Variants in CNTNAP5 observed in about 807,000 individuals in gnomAD.
The protein encoded by CNTNAP5 is contactin associated protein family member 5, also known as contactin-associated protein-like 5.
In CNTNAP5, 72 loss-of-function variants were observed where a neutral mutation model predicts 150.2. That is an observed-to-expected ratio of 0.48 (90% CI 0.40 to 0.58). The LOEUF (loss-of-function observed/expected upper bound fraction) is 0.58, where lower values mean the gene tolerates loss of function less well. Ranked by LOEUF, CNTNAP5 falls within the 20% of genes least tolerant of loss-of-function variation. The probability of loss-of-function intolerance (pLI) is 0.00; values close to 1 mark genes in which losing one functional copy is unlikely to be tolerated. For missense variants in CNTNAP5, 1,636 were observed against 1,626.2 expected (o/e 1.01, Z -0.10); for synonymous variants, 672 against 619.8 (o/e 1.08, Z -1.25).
intron 11 of CNTNAP5, among the ~76,000 whole-genome samples, chr2:124,607,541 A>AT (rs1677276071): frequency 2.6e-5 from 4 of 152,148 alleles, no homozygotes; most frequent in South Asian, 2.1e-4. Context: ...GGAGGATGTG[A>AT]TTTTGTCAGC....
chr2:124,767,547 A>C (rs918088590), intron 16 of CNTNAP5, among the ~76,000 whole-genome samples: 1 of 152,168 alleles, frequency 6.6e-6, no homozygotes, highest in Non-Finnish European at 1.5e-5. Context: ...ACTAGAACCC[A>C]ATGTGGATTT....
In CNTNAP5 at chr2:124,348,868, A is replaced by C. The variant is rs370393978; in HGVS notation, c.382-68575A>C. Reference sequence around the variant, plus strand: ...ATATGTGTGTGTGCATGTGTGTGTCAAGCTGTTTCTTATCTATTATCTATG... The same window carrying C: ...ATATGTGTGTGTGCATGTGTGTGTCCAGCTGTTTCTTATCTATTATCTATG... On this transcript the variant is annotated intron_variant, in intron 3 of 23. Transcript: ENST00000682447. Among the ~76,000 whole-genome samples, 45 of 152,230 alleles carry C rather than the reference A, an allele frequency of 3.0e-4. No homozygotes were observed. In the South Asian group the frequency reaches 8.5e-3, roughly 29 times the overall value.
chr2:124,887,433 G>T (rs142820948), intron 21 of CNTNAP5, among the ~76,000 whole-genome samples: 1 of 152,176 alleles, frequency 6.6e-6, no homozygotes, highest in African/African-American at 2.4e-5. Flanking sequence ...AGTCATGCTA[G>T]TCTACTCAAG....
chr2:124,426,670 C>T (rs1692245501), intron 4 of CNTNAP5, among the ~76,000 whole-genome samples: 1 of 152,160 alleles, frequency 6.6e-6, no homozygotes, highest in South Asian at 2.1e-4. Flanking sequence ...CCAGCTGGCC[C>T]ACTTGGGGAT....
intron 13 of CNTNAP5, among the ~76,000 whole-genome samples, chr2:124,675,010 ATCT>A (rs1186789446): frequency 6.6e-6 from 1 of 151,876 alleles, no homozygotes; most frequent in African/African-American, 2.4e-5. Context: ...TATGTTCTTG[ATCT>A]TCTGCCTACT....
chr2:124,396,589 C>A (rs1419401063), intron 3 of CNTNAP5, among the ~76,000 whole-genome samples: 1 of 152,092 alleles, frequency 6.6e-6, no homozygotes, highest in African/African-American at 2.4e-5. Flanking sequence ...TTTATCAAAT[C>A]AAAAATAGCT....
At chr2:124,799,488 C>A (rs1351601291) in intron 19 of CNTNAP5, among the ~76,000 whole-genome samples, 1 of 152,196 alleles carries the variant, frequency 6.6e-6, no homozygotes, top group African/African-American at 2.4e-5. Flanking sequence ...CCTTTGTCAT[C>A]TGCTGGTATC....
chr2:124,820,799 G>A (rs1449990347), intron 19 of CNTNAP5, among the ~76,000 whole-genome samples: 2 of 152,196 alleles, frequency 1.3e-5, no homozygotes, highest in Non-Finnish European at 1.5e-5. Flanking sequence ...TCAGTAGCTT[G>A]TAATAATATT....
At chr2:124,244,632 G>C (rs1686973470) in intron 3 of CNTNAP5, among the ~76,000 whole-genome samples, 1 of 152,136 alleles carries the variant, frequency 6.6e-6, no homozygotes, top group South Asian at 2.1e-4. Context: ...ACAGGGAGAA[G>C]TGATTTGAGG....
chr2:124,380,511 C>T (rs1230189284), intron 3 of CNTNAP5, among the ~76,000 whole-genome samples: 2 of 152,302 alleles, frequency 1.3e-5, no homozygotes, highest in Non-Finnish European at 2.9e-5. Flanking sequence ...ATTCTGTCTC[C>T]ATCAAATAAG....
At chr2:124,844,775 T>C (rs2104696510) in intron 19 of CNTNAP5, among the ~76,000 whole-genome samples, 1 of 152,204 alleles carries the variant, frequency 6.6e-6, no homozygotes, top group South Asian at 2.1e-4. Context: ...CAGCTTCTGT[T>C]GGTCTACAGC....
In CNTNAP5 at chr2:124,911,537, A is replaced by C; in HGVS notation, c.3726A>C (p.Gly1242=). ...NAVRSDSAVI[G]GVIAVVIFII... ...TTCGAAGTGATTCGGCAGTCATCGG[A>C]GGTAAACAATTCATTGTTGTTGAAT... Residue 1242 remains glycine, a splice_region_variant and synonymous_variant, in exon 23 of 24, where the codon GGA becomes GGC. Coordinates refer to ENST00000682447, the MANE Select transcript of CNTNAP5 (RefSeq NM_001367498.1). 1 of 1,592,352 alleles carries C rather than the reference A, an allele frequency of 6.3e-7. No homozygotes were observed. The highest frequency in any genetic ancestry group is 8.6e-7 in the Non-Finnish European group (1 of 1,167,726).
chr2:124,419,664 A>G (rs1692032150), intron 4 of CNTNAP5, among the ~76,000 whole-genome samples: 1 of 152,198 alleles, frequency 6.6e-6, no homozygotes, highest in Admixed American at 6.5e-5. Flanking sequence ...ATGGGAAGTT[A>G]ACAACCTTGG....
Position 124,487,167 on chromosome 2 carries a change from A to G in CNTNAP5, c.1062+12285A>G, listed in dbSNP as rs533184792. Among the ~76,000 whole-genome samples, 314 of 152,304 alleles carry G rather than the reference A, an allele frequency of 2.1e-3. 2 individuals are homozygous for G. Among genetic ancestry groups the G allele is most frequent in the African/African-American group, 6.8e-3 (281 of 41,570 alleles). On this transcript the variant is annotated intron_variant, in intron 7 of 23. Coordinates refer to ENST00000682447, the MANE Select transcript of CNTNAP5 (RefSeq NM_001367498.1). ...TTCCCTGATGCTGTAACAAGGTCCA[A>G]GATATGCCCTGTGTCAGCCTAGGAA...
At chr2:124,579,402 C>T (rs749750373) in intron 11 of CNTNAP5, among the ~76,000 whole-genome samples, 9 of 152,298 alleles carry the variant, frequency 5.9e-5, no homozygotes, top group Middle Eastern at 3.4e-3. Context: ...TGTGCAGCTG[C>T]TGGAACTTCT....
At chr2:124,823,657 G>A (rs1682535438) in intron 19 of CNTNAP5, among the ~76,000 whole-genome samples, 1 of 152,154 alleles carries the variant, frequency 6.6e-6, no homozygotes, top group South Asian at 2.1e-4. Flanking sequence ...CTATGGATGA[G>A]TCACCACTCT....
intron 1 of CNTNAP5, among the ~76,000 whole-genome samples, chr2:124,101,802 A>G (rs1194908660): frequency 6.6e-6 from 1 of 152,204 alleles, no homozygotes; most frequent in Non-Finnish European, 1.5e-5. Context: ...AATGTTAACA[A>G]CCTGGGGTAC....
At chr2:124,761,538 G>A (rs1354426343) in intron 14 of CNTNAP5, among the ~76,000 whole-genome samples, 1 of 151,986 alleles carries the variant, frequency 6.6e-6, no homozygotes, top group Admixed American at 6.6e-5. Context: ...ATAATTTCCT[G>A]TTGCTAGTGA....
At chr2:124,646,770 C>G (rs1419995532) in intron 12 of CNTNAP5, among the ~76,000 whole-genome samples, 1 of 152,044 alleles carries the variant, frequency 6.6e-6, no homozygotes, top group Non-Finnish European at 1.5e-5. Context: ...GTTTTTGTTG[C>G]AATTGTTGTT....
Sources: gnomAD v4.1 joint callset for allele counts (sites outside exome capture counted in the v4.1 genomes callset) on GRCh38, gnomAD v4.1.1 for gene constraint, MANE v1.5 for transcripts, NCBI Gene and HGNC (gene_info 2026-07-23, HGNC 2026-07-21) for gene names.